Variants in SHISA9 observed in about 807,000 individuals in gnomAD.
SHISA9 encodes protein shisa-9.
In SHISA9, 13 loss-of-function variants were observed where a neutral mutation model predicts 38.0. The observed-to-expected ratio is 0.34, with a 90% CI of 0.22 to 0.54. SHISA9 has a LOEUF of 0.54. Ranked by LOEUF, SHISA9 falls within the 20% of genes least tolerant of loss-of-function variation. SHISA9 has a pLI of 0.91. For synonymous variants in SHISA9, 275 were observed against 242.0 expected (o/e 1.14, Z -1.27); for missense variants, 538 against 575.8 (o/e 0.93, Z 0.67).
chr16:12,982,496 C>T lies in SHISA9; in HGVS notation c.691+65681C>T, dbSNP rs576934380. 2.6e-5 allele frequency among the ~76,000 whole-genome samples: 4 copies of T among 152,282 alleles called. No individual in the cohort carries two copies. In the South Asian group the frequency reaches 6.2e-4, roughly 24 times the overall value. ...CTGGCCCTGCTTACCTTTTTAATCT[C>T]ATTTTCTGGCATTCTCCTTTACATT... On this transcript the variant is annotated intron_variant, in intron 2 of 4. Coordinates refer to ENST00000558583, the MANE Select transcript of SHISA9 (RefSeq NM_001145204.3).
At chr16:13,031,332 G>T (rs1249208666) in intron 2 of SHISA9, among the ~76,000 whole-genome samples, 1 of 152,128 alleles carries the variant, frequency 6.6e-6, no homozygotes, top group Non-Finnish European at 1.5e-5. Flanking sequence ...GAGCTCTGTT[G>T]CCTTGACAAT....
At chr16:13,126,635 G>A (rs971213556) in intron 2 of SHISA9, among the ~76,000 whole-genome samples, 2 of 147,738 alleles carry the variant, frequency 1.4e-5, no homozygotes, top group Non-Finnish European at 3.0e-5. Context: ...GAGGGGTGGG[G>A]AGAGAGAGAG....
At chr16:13,004,951 A>AC in intron 2 of SHISA9, among the ~76,000 whole-genome samples, 1 of 82,174 alleles carries the variant, frequency 1.2e-5, no homozygotes, top group East Asian at 3.8e-4. Context: ...AAGAAAAAAA[A>AC]AAAAAAAGAA....
the SHISA9 span, among the ~76,000 whole-genome samples, chr16:13,359,494 T>C: frequency 6.6e-6 from 1 of 152,088 alleles, no homozygotes; most frequent in Non-Finnish European, 1.5e-5. Flanking sequence ...GAAAAATAAA[T>C]AAATAGCAAT....
In SHISA9 at chr16:13,014,373, C is replaced by G. The variant is rs188236669; in HGVS notation, c.691+97558C>G. The stretch of plus-strand genomic sequence containing the variant: ...TTTCCTAAAATCATTTGACCCTTCC[C>G]TTTTTGTTTTTTCTGAGCCCACTTG... On this transcript the variant is annotated intron_variant, in intron 2 of 4. Coordinates refer to ENST00000558583, the MANE Select transcript of SHISA9 (RefSeq NM_001145204.3). Among the ~76,000 whole-genome samples the G allele has an allele frequency of 1.8e-3, 276 of 152,264 alleles. 1 individual carries two copies. Among genetic ancestry groups the G allele is most frequent in the African/African-American group, 6.1e-3 (255 of 41,562 alleles).
chr16:13,496,081 C>G, the SHISA9 span, among the ~76,000 whole-genome samples: 3 of 152,076 alleles, frequency 2.0e-5, no homozygotes, highest in Admixed American at 6.6e-5. Context: ...CAAATAGATA[C>G]ACTAAATGCC....
the SHISA9 span, among the ~76,000 whole-genome samples, chr16:13,265,476 TC>T: frequency 1.7e-5 from 2 of 117,478 alleles, no homozygotes; most frequent in African/African-American, 6.7e-5. Context: ...TTCCTTCCCT[TC>T]CTTTCCCTTT....
the SHISA9 span, among the ~76,000 whole-genome samples, chr16:13,486,440 T>G: frequency 1.3e-5 from 2 of 152,204 alleles, no homozygotes; most frequent in African/African-American, 4.8e-5. Flanking sequence ...TTTCTGTCAC[T>G]TGCAACCAAG....
At chr16:13,065,694 C>T (rs543801449) in intron 2 of SHISA9, among the ~76,000 whole-genome samples, 27 of 152,322 alleles carry the variant, frequency 1.8e-4, no homozygotes, top group Admixed American at 5.9e-4. Context: ...TAGGAAAGAA[C>T]AGAGAAAGGA....
the SHISA9 span, among the ~76,000 whole-genome samples, chr16:13,313,594 G>A: frequency 6.6e-6 from 1 of 152,304 alleles, no homozygotes; most frequent in South Asian, 2.1e-4. Flanking sequence ...GTGGAAATAG[G>A]GGAGGGAACT....
At chr16:12,997,546 A>C (rs947151596) in intron 2 of SHISA9, among the ~76,000 whole-genome samples, 1 of 151,646 alleles carries the variant, frequency 6.6e-6, no homozygotes, top group Non-Finnish European at 1.5e-5. Flanking sequence ...AGCTGAGATT[A>C]CAGGGACCCA....
the SHISA9 span, among the ~76,000 whole-genome samples, chr16:13,488,716 T>C: frequency 6.6e-6 from 1 of 152,262 alleles, no homozygotes; most frequent in Non-Finnish European, 1.5e-5. Flanking sequence ...TGCACAATGA[T>C]CCAATCACCT....
the SHISA9 span, among the ~76,000 whole-genome samples, chr16:13,362,489 TGG>T: frequency 6.6e-6 from 1 of 151,730 alleles, no homozygotes; most frequent in South Asian, 2.1e-4. Context: ...ATGGCAAAGA[TGG>T]GGGAGCTGAA....
chr16:13,557,614 G>A, the SHISA9 span, among the ~76,000 whole-genome samples: 1 of 152,148 alleles, frequency 6.6e-6, no homozygotes, highest in Non-Finnish European at 1.5e-5. Flanking sequence ...CACTTCTCAG[G>A]AGGAACATGG....
At chr16:12,985,253 ATAAAT>A (rs2072293081) in intron 2 of SHISA9, among the ~76,000 whole-genome samples, 1 of 151,698 alleles carries the variant, frequency 6.6e-6, no homozygotes, top group Non-Finnish European at 1.5e-5. Context: ...AAATAAATAA[ATAAAT>A]AAATAAATAA....
chr16:13,526,593 C>T, the SHISA9 span, among the ~76,000 whole-genome samples: 1 of 152,038 alleles, frequency 6.6e-6, no homozygotes. Flanking sequence ...ACCATGTTGG[C>T]CAGGCTGGTC....
At chr16:13,465,996 C>T in the SHISA9 span, among the ~76,000 whole-genome samples, 700 of 152,328 alleles carry the variant, frequency 4.6e-3, 4 homozygotes, top group Middle Eastern at 0.01. Context: ...TGCCCCTTTA[C>T]GGAAAAAGTT....
At chr16:13,285,148 A>C in the SHISA9 span, among the ~76,000 whole-genome samples, 4 of 151,826 alleles carry the variant, frequency 2.6e-5, no homozygotes, top group Non-Finnish European at 4.4e-5. Flanking sequence ...TGTATTTGAG[A>C]GTTTGAGAGT....
chr16:13,547,742 T>C, the SHISA9 span, among the ~76,000 whole-genome samples: 7 of 152,270 alleles, frequency 4.6e-5, no homozygotes, highest in Admixed American at 4.6e-4. Context: ...TGGAAAGATA[T>C]CCCATGTTCA....
Sources: gnomAD v4.1 joint callset for allele counts (sites outside exome capture counted in the v4.1 genomes callset) on GRCh38, gnomAD v4.1.1 for gene constraint, MANE v1.5 for transcripts, NCBI Gene and HGNC (gene_info 2026-07-23, HGNC 2026-07-21) for gene names.